The following EIF3B variants were observed in gnomAD, a reference collection of about 807,000 sequenced individuals.
EIF3B encodes the protein eukaryotic translation initiation factor 3 subunit 9.
A neutral mutation model predicts 104.6 loss-of-function variants in EIF3B; 10 were observed. The ratio of observed to expected loss-of-function variants is 0.10; its 90% confidence interval spans 0.06 to 0.16. EIF3B has a LOEUF of 0.16. Among genes scored for constraint, EIF3B ranks in the 10% least tolerant of loss-of-function variants. EIF3B has a pLI of 1.00. For synonymous variants in EIF3B, 542 were observed against 417.2 expected (o/e 1.30, Z -3.65); for missense variants, 1,014 against 1,087.9 (o/e 0.93, Z 0.96).
chr7:2,367,825 A>ATTTTTTTTTTTTTT lies in EIF3B; in HGVS notation c.1403+801_1403+814dup, dbSNP rs71026506. ...ACGGTGAGTTTGTTCTTTTTTTAAA[A>ATTTTTTTTTTTTTT]TTTTTTTTTTTTTTTTTTTTTTTTT... On this transcript the variant is annotated intron_variant, in intron 9 of 18. Transcript: ENST00000360876. Among the ~76,000 whole-genome samples, 19 of 60,308 alleles carry ATTTTTTTTTTTTTT rather than the reference A, an allele frequency of 3.2e-4. 1 individual carries two copies. The highest frequency in any genetic ancestry group is 1.5e-3 in the African/African-American group (18 of 11,664). The allele number at this position is 60,308 out of a possible 152,430, so 39.6% of individuals were successfully genotyped here. A position where few individuals can be genotyped will look rare whatever the true frequency, so the allele number is the denominator to read the frequency against.
chr7:2,361,757 T>TTGAG (rs1779742053), intron 2 of EIF3B, among the ~76,000 whole-genome samples: 1 of 151,738 alleles, frequency 6.6e-6, no homozygotes, highest in African/African-American at 2.4e-5. Flanking sequence ...TAATACACAA[T>TTGAG]ATTAGACTAC....
chr7:2,369,437 TCTTTG>T lies in EIF3B; in HGVS notation c.1404-30_1404-26del, dbSNP rs768886455. ...GCTTTTCAGTTTCGTCATCACTTGG[TCTTTG>T]CTTTAACATTTTATTTTCCTGTTCT... is the stretch of plus-strand genomic sequence containing the variant. On this transcript the variant is annotated intron_variant, in intron 9 of 18. Transcript: ENST00000360876. 1.9e-6 allele frequency: 3 copies of T among 1,605,396 alleles called. No homozygotes were observed. In the African/African-American group the frequency reaches 4.0e-5, roughly 21 times the overall value.
chr7:2,360,830 T>C lies in EIF3B; in HGVS notation c.620T>C (p.Ile207Thr). The C allele has an allele frequency of 6.2e-7, 1 of 1,613,894 alleles. No homozygotes were observed. Among genetic ancestry groups the C allele is most frequent in the Non-Finnish European group, 8.5e-7 (1 of 1,179,806 alleles). The change falls in exon 2 of 19, where the codon ATC becomes ACC. Residue 207 changes from isoleucine (I) to threonine (T), a missense_variant. Physicochemically the swap from Ile to Thr is moderately conservative, Grantham distance 89 (BLOSUM62 -1). Coordinates refer to ENST00000360876, the MANE Select transcript of EIF3B (RefSeq NM_001037283.2). ...PDRLEKLKNV[I>T]HKIFSKFGKI... ...CGACTTGAGAAACTCAAAAATGTCATCCACAAGATCTTTTCCAAGTTTGGG... is the reference window on the plus strand; with the variant it reads ...CGACTTGAGAAACTCAAAAATGTCACCCACAAGATCTTTTCCAAGTTTGGG...
At position 2,366,587 on chromosome 7, in the gene EIF3B, C is replaced by G; in HGVS notation, c.1352C>G (p.Thr451Ser). The change falls in exon 8 of 19, where the codon ACT becomes AGT. Residue 451 changes from threonine to serine, a missense_variant. By Grantham distance (58) the Thr-to-Ser change is moderately conservative (BLOSUM62 1). Around this residue, in one of 4 missense-constraint regions of EIF3B, gnomAD observed 201 missense variants for 240.7 expected, o/e 0.83. Transcript: ENST00000360876. ...MTLDTLSIYE[T>S]PSMGLLDKKS... ...CTGGATACGCTTAGCATCTATGAAA[C>G]TCCTGTAAGTGGCCTCAGTGATGGC... 6.2e-7 allele frequency: 1 copy of G among 1,614,198 alleles called. No individual in the cohort carries two copies. The highest frequency in any genetic ancestry group is 8.5e-7 in the Non-Finnish European group (1 of 1,180,038).
chr7:2,379,152 C>A lies in EIF3B; in HGVS notation c.2251C>A (p.Arg751Ser). The A allele has an allele frequency of 1.2e-6, 2 of 1,613,836 alleles. No homozygotes were observed. Among genetic ancestry groups the A allele is most frequent in the South Asian group, 2.2e-5 (2 of 91,048 alleles). ...TGCATAGGAATTGGTGGAGAGAAGG[C>A]GCACCATGATGGAAGATTTCCGGAA... ...KASKELVERR[R>S]TMMEDFRKYR... Residue 751 changes from arginine to serine, a missense_variant, in exon 17 of 19, where the codon CGC becomes AGC. By Grantham distance (110) the Arg-to-Ser change is moderately radical. This residue lies in a region of EIF3B where 266 missense variants were observed against 324.0 expected (regional missense o/e 0.82). Coordinates refer to ENST00000360876, the MANE Select transcript of EIF3B (RefSeq NM_001037283.2).
intron 1 of EIF3B, among the ~76,000 whole-genome samples, chr7:2,358,158 A>ACCGCAGCCTCTGCCTCC (rs1461903158): frequency 5.3e-5 from 8 of 151,872 alleles, no homozygotes; most frequent in Non-Finnish European, 1.2e-4. Flanking sequence ...GCAATGGCTC[A>ACCGCAGCCTCTGCCTCC]CCGCAGCCTC....
At chr7:2,363,480 A>G (rs1231963836) in intron 4 of EIF3B, 152 bp from the exon 5 acceptor site, 3 of 724,900 alleles carry the variant, frequency 4.1e-6, no homozygotes, top group African/African-American at 3.6e-5. Flanking sequence ...CAAAAAAAAA[A>G]GAAATGCTAG....
intron 14 of EIF3B, 94 bp from the exon 15 acceptor site, chr7:2,376,846 TCACACGTGTC>T: frequency 6.7e-7 from 1 of 1,499,102 alleles, no homozygotes; most frequent in Non-Finnish European, 9.0e-7. Flanking sequence ...TTTGTTTGCT[TCACACGTGTC>T]CCCGATACCC....
intron 12 of EIF3B, 35 bp from the exon 13 acceptor site, chr7:2,374,493 T>A (rs1365687566): frequency 6.2e-7 from 1 of 1,609,450 alleles, no homozygotes; most frequent in Non-Finnish European, 8.5e-7. Context: ...GTGGAAGCCC[T>A]CGCAGCTCGT....
At position 2,361,674 on chromosome 7, in the gene EIF3B, C is replaced by T. The variant is rs533151449; in HGVS notation, c.692+772C>T. 6.0e-4 allele frequency among the ~76,000 whole-genome samples: 92 copies of T among 152,322 alleles called. 3 individuals carry two copies. In the South Asian group the frequency reaches 0.018, roughly 29 times the overall value. On this transcript the variant is annotated intron_variant, in intron 2 of 18. Coordinates refer to ENST00000360876, the MANE Select transcript of EIF3B (RefSeq NM_001037283.2). ...GACCTTGTGATCCACCCGCCTCGGC[C>T]TCCCAAAGTGCTGGGATTACAGGCC...
chr7:2,366,537 T>C lies in EIF3B; in HGVS notation c.1302T>C (p.Asp434=), dbSNP rs1462709577. The C allele has an allele frequency of 6.2e-7, 1 of 1,614,108 alleles. No homozygotes were observed. The highest frequency in any genetic ancestry group is 1.7e-5 in the Admixed American group (1 of 60,002). ...AHWPIFKWSH[D]GKFFARMTLD... is the part of the protein sequence containing the mutation. ...TTGTTTTTCTTAGGTGGAGCCATGA[T>C]GGCAAATTCTTTGCCAGAATGACCC... is the stretch of plus-strand genomic sequence containing the variant. Residue 434 remains aspartate (D), a synonymous_variant, in exon 8 of 19, where the codon GAT becomes GAC. Transcript: ENST00000360876.
chr7:2,377,976 T>A (rs113622993), intron 15 of EIF3B: 977 of 32,566 alleles, frequency 0.03, 8 homozygotes, highest in East Asian at 0.046. Context: ...CTGGGTGTCA[T>A]GGAGGAAGGA....
chr7:2,377,126 G>C (rs41273063), intron 15 of EIF3B, 51 bp downstream of exon 15: 2 of 1,549,210 alleles, frequency 1.3e-6, no homozygotes, highest in African/African-American at 1.4e-5. Context: ...CAATTGTGGC[G>C]TTGAAAAGGT....
chr7:2,380,061 G>A, intron 18 of EIF3B, 143 bp from the exon 19 acceptor site: 1 of 299,058 alleles, frequency 3.3e-6, no homozygotes, highest in South Asian at 2.8e-5. Flanking sequence ...CCATGAGCGA[G>A]TAGGGGTGGC....
chr7:2,365,928 C>T (rs983375947), intron 6 of EIF3B, among the ~76,000 whole-genome samples: 1 of 152,108 alleles, frequency 6.6e-6, no homozygotes, highest in Non-Finnish European at 1.5e-5. Context: ...TTGGGTGATC[C>T]ACCCACCTCG....
In EIF3B at chr7:2,378,896, C is replaced by G. The variant is rs1483860878; in HGVS notation, c.2232+130C>G. ...CCGAAGACACTGGTTCTGTTCCCCC[C>G]CAGGAGGGATGCACTGGGGAACTGG... On this transcript the variant is annotated intron_variant, in intron 16 of 18. Coordinates refer to ENST00000360876, the MANE Select transcript of EIF3B (RefSeq NM_001037283.2). 1.0e-5 allele frequency: 9 copies of G among 888,918 alleles called. No individual in the cohort carries two copies. In the Middle Eastern group the frequency reaches 7.2e-4, roughly 71 times the overall value. The allele number at this position is 888,918 out of a possible 1,614,324, so 55.1% of individuals were successfully genotyped here.
At chr7:2,379,283 C>G (rs527350160) in intron 17 of EIF3B, 41 bp downstream of exon 17, 7 of 1,582,420 alleles carry the variant, frequency 4.4e-6, no homozygotes, top group South Asian at 2.3e-5. Flanking sequence ...CTGGCCCTTA[C>G]GCTGCCCCTG....
intron 1 of EIF3B, among the ~76,000 whole-genome samples, chr7:2,355,678 C>A (rs1273167219): frequency 6.6e-6 from 1 of 152,158 alleles, no homozygotes; most frequent in Non-Finnish European, 1.5e-5. Flanking sequence ...TGCATGACAA[C>A]CAGAAATCTG....
intron 12 of EIF3B, chr7:2,374,224 T>G: frequency 3.7e-6 from 1 of 268,972 alleles, no homozygotes; most frequent in Non-Finnish European, 7.2e-6. Context: ...CATCTCTCTG[T>G]TGGGGTCCCT....
Sources: allele counts gnomAD v4.1 joint callset (sites outside exome capture counted in the v4.1 genomes callset), GRCh38; gene constraint gnomAD v4.1.1; regional missense constraint gnomAD v4.1.1; transcripts MANE v1.5; gene names NCBI Gene and HGNC (gene_info 2026-07-23, HGNC 2026-07-21).